The following SYNPR variants were observed in gnomAD, a reference collection of about 807,000 sequenced individuals.
The protein encoded by SYNPR is synaptoporin.
SYNPR carries 23 observed loss-of-function variants against 32.9 expected under a neutral mutation model. The observed-to-expected ratio is 0.70, with a 90% CI of 0.50 to 0.99. The LOEUF is 0.99. Among genes scored for constraint, SYNPR ranks in the 50% least tolerant of loss-of-function variants. The pLI, the probability that SYNPR is intolerant of heterozygous loss-of-function variation, is 0.00. For synonymous variants in SYNPR, 146 were observed against 135.9 expected (o/e 1.07, Z -0.52); for missense variants, 318 against 349.3 (o/e 0.91, Z 0.71).
chr3:63,326,080 G>A (rs1458602631), intron 2 of SYNPR, among the ~76,000 whole-genome samples: 1 of 151,746 alleles, frequency 6.6e-6, no homozygotes, highest in Non-Finnish European at 1.5e-5. Flanking sequence ...AGGATGAGGT[G>A]GGAGAATAAA....
the SYNPR span, among the ~76,000 whole-genome samples, chr3:63,210,137 A>G: frequency 6.6e-6 from 1 of 152,154 alleles, no homozygotes; most frequent in Non-Finnish European, 1.5e-5. Context: ...TTGTGTAATT[A>G]GAGAGATTCA....
chr3:63,374,629 T>A (rs1359639782), intron 2 of SYNPR, among the ~76,000 whole-genome samples: 3 of 152,230 alleles, frequency 2.0e-5, no homozygotes, highest in Non-Finnish European at 2.9e-5. Flanking sequence ...TTCTATTGTA[T>A]GATCAATCAC....
chr3:63,435,218 A>G (rs1700059557), intron 2 of SYNPR, among the ~76,000 whole-genome samples: 1 of 152,188 alleles, frequency 6.6e-6, no homozygotes, highest in South Asian at 2.1e-4. Flanking sequence ...AATATTTACT[A>G]TCCAGGCAGA....
intron 2 of SYNPR, among the ~76,000 whole-genome samples, chr3:63,347,715 G>A (rs1038243144): frequency 6.6e-6 from 1 of 152,034 alleles, no homozygotes; most frequent in African/African-American, 2.4e-5. Context: ...CCAATTACAA[G>A]TAAAAACGTG....
At chr3:63,338,397 C>G (rs964277293) in intron 2 of SYNPR, among the ~76,000 whole-genome samples, 2 of 152,150 alleles carry the variant, frequency 1.3e-5, no homozygotes, top group Admixed American at 1.3e-4. Flanking sequence ...GAGTGTCTAG[C>G]TTTCTCGATC....
intron 2 of SYNPR, among the ~76,000 whole-genome samples, chr3:63,420,240 A>G (rs1033061826): frequency 5.3e-5 from 8 of 152,190 alleles, no homozygotes; most frequent in Admixed American, 3.9e-4. Flanking sequence ...ATCTAAAGGC[A>G]TAAAATACAG....
At chr3:63,217,806 A>G in the SYNPR span, among the ~76,000 whole-genome samples, 4 of 152,212 alleles carry the variant, frequency 2.6e-5, no homozygotes, top group Admixed American at 2.6e-4. Context: ...TGAGAAGTTC[A>G]TTAAATTTTG....
At chr3:63,568,944 A>C (rs1256107802) in intron 4 of SYNPR, among the ~76,000 whole-genome samples, 3 of 152,194 alleles carry the variant, frequency 2.0e-5, no homozygotes, top group African/African-American at 7.2e-5. Flanking sequence ...TATGCATCAA[A>C]ATAGTATTAA....
chr3:63,572,106 C>T (rs1702897631), intron 4 of SYNPR, among the ~76,000 whole-genome samples: 1 of 152,174 alleles, frequency 6.6e-6, no homozygotes, highest in South Asian at 2.1e-4. Flanking sequence ...AGCAACCATA[C>T]ATCTGTGTGA....
chr3:63,293,460 T>C (rs1004629683), intron 2 of SYNPR, among the ~76,000 whole-genome samples: 3 of 152,228 alleles, frequency 2.0e-5, no homozygotes, highest in Non-Finnish European at 2.9e-5. Flanking sequence ...CTTTGAAATA[T>C]ACTTTTAGAT....
intron 2 of SYNPR, among the ~76,000 whole-genome samples, chr3:63,291,801 G>C (rs1002457536): frequency 6.6e-6 from 1 of 151,812 alleles, no homozygotes; most frequent in Non-Finnish European, 1.5e-5. Flanking sequence ...ACGTAAATTT[G>C]AAGTATAAAT....
At chr3:63,303,400 C>T (rs2106943921) in intron 2 of SYNPR, among the ~76,000 whole-genome samples, 1 of 152,006 alleles carries the variant, frequency 6.6e-6, no homozygotes, top group African/African-American at 2.4e-5. Context: ...CATGTCTGAG[C>T]TTCAGGGTAT....
chr3:63,463,680 T>C (rs952807226), intron 2 of SYNPR, among the ~76,000 whole-genome samples: 6 of 152,026 alleles, frequency 3.9e-5, no homozygotes, highest in African/African-American at 1.4e-4. Context: ...ACATGAAAAA[T>C]TTTCTATGGA....
At chr3:63,210,307 T>TCAAGGAGTAGGTAACACAGCAGAA in the SYNPR span, among the ~76,000 whole-genome samples, 2 of 152,218 alleles carry the variant, frequency 1.3e-5, no homozygotes, top group Non-Finnish European at 2.9e-5. Flanking sequence ...GTTTCTTTCC[T>TCAAGGAGTAGGTAACACAGCAGAA]CAAGGAGTAG....
intron 4 of SYNPR, among the ~76,000 whole-genome samples, chr3:63,607,047 G>T (rs988169132): frequency 6.6e-6 from 1 of 152,092 alleles, no homozygotes; most frequent in Non-Finnish European, 1.5e-5. Flanking sequence ...CAATTGAAAG[G>T]TCTTCACATG....
At chr3:63,211,275 C>A in the SYNPR span, among the ~76,000 whole-genome samples, 1 of 152,118 alleles carries the variant, frequency 6.6e-6, no homozygotes, top group Non-Finnish European at 1.5e-5. Context: ...CCATGTTGGC[C>A]AGGCTGGTCT....
intron 2 of SYNPR, among the ~76,000 whole-genome samples, chr3:63,284,732 A>G (rs748655528): frequency 3.4e-5 from 5 of 148,940 alleles, no homozygotes; most frequent in Non-Finnish European, 7.4e-5. Context: ...TGCTATTGAT[A>G]ACAACAAAGT....
chr3:63,493,516 T>C (rs541781568), intron 3 of SYNPR, among the ~76,000 whole-genome samples: 2 of 152,148 alleles, frequency 1.3e-5, no homozygotes, highest in South Asian at 4.2e-4. Flanking sequence ...AGAAAGCTCA[T>C]TTAAAATGGA....
At chr3:63,583,009 A>AG (rs11411860) in intron 4 of SYNPR, among the ~76,000 whole-genome samples, 82,885 of 151,778 alleles carry the variant, frequency 0.55, 23,353 homozygotes, top group African/African-American at 0.69. Context: ...GTCCAAAAAG[A>AG]AGTCAGCGAG....
Sources: allele counts gnomAD v4.1 joint callset (sites outside exome capture counted in the v4.1 genomes callset), GRCh38; gene constraint gnomAD v4.1.1; transcripts MANE v1.5; gene names NCBI Gene and HGNC (gene_info 2026-07-23, HGNC 2026-07-21).